Variants in CDK17 observed in about 807,000 individuals in gnomAD.
CDK17 encodes cyclin-dependent kinase 17.
CDK17 carries 24 observed loss-of-function variants against 77.6 expected under a neutral mutation model. The ratio of observed to expected loss-of-function variants is 0.31; its 90% confidence interval spans 0.22 to 0.44. The LOEUF (loss-of-function observed/expected upper bound fraction) is 0.44, where lower values mean the gene tolerates loss of function less well. CDK17 is among the 20% of genes least tolerant of loss of function. The probability of loss-of-function intolerance (pLI) is 1.00; values close to 1 mark genes in which losing one functional copy is unlikely to be tolerated. For missense variants in CDK17, 429 were observed against 622.5 expected (o/e 0.69, Z 3.31); for synonymous variants, 203 against 210.4 (o/e 0.96, Z 0.30).
chr12:96,298,769 C>T (rs1952451807), intron 7 of CDK17, 100 bp downstream of exon 7: 2 of 604,014 alleles, frequency 3.3e-6, no homozygotes, highest in Admixed American at 3.4e-5. Flanking sequence ...TTACATCTTC[C>T]AGTCATTTAT....
intron 1 of CDK17, among the ~76,000 whole-genome samples, chr12:96,367,678 C>A (rs1953610110): frequency 6.6e-6 from 1 of 151,924 alleles, no homozygotes; most frequent in Non-Finnish European, 1.5e-5. Context: ...TGAGTCACAG[C>A]AGAAGCAAAG....
At chr12:96,339,291 T>C (rs1224502735) in intron 1 of CDK17, among the ~76,000 whole-genome samples, 1 of 152,094 alleles carries the variant, frequency 6.6e-6, no homozygotes, top group Non-Finnish European at 1.5e-5. Flanking sequence ...TAATAAGCAC[T>C]TGAAAAGTAC....
At chr12:96,315,599 T>C (rs756864548) in intron 3 of CDK17, among the ~76,000 whole-genome samples, 19 of 152,226 alleles carry the variant, frequency 1.2e-4, no homozygotes, top group Non-Finnish European at 2.6e-4. Flanking sequence ...TGGCTTCCAT[T>C]TCTAGTGAGA....
intron 16 of CDK17, 57 bp from the exon 17 acceptor site, chr12:96,280,336 A>G: frequency 6.5e-7 from 1 of 1,539,896 alleles, no homozygotes; most frequent in Non-Finnish European, 8.8e-7. Context: ...TCCCACATAC[A>G]GTTATTTGGT....
intron 13 of CDK17, among the ~76,000 whole-genome samples, chr12:96,284,012 A>G (rs960631805): frequency 2.0e-5 from 3 of 152,234 alleles, no homozygotes; most frequent in Non-Finnish European, 4.4e-5. Flanking sequence ...TCATTTTCCT[A>G]TTATATAGGT....
chr12:96,391,164 A>G (rs1356384278), intron 1 of CDK17, among the ~76,000 whole-genome samples: 1 of 152,176 alleles, frequency 6.6e-6, no homozygotes, highest in Non-Finnish European at 1.5e-5. Flanking sequence ...CATTAAATGC[A>G]CTGTTTGATC....
chr12:96,295,444 A>C lies in CDK17; in HGVS notation c.874-322T>G, dbSNP rs898573268. 217 of 163,426 alleles carry C rather than the reference A, an allele frequency of 1.3e-3. 4 individuals carry two copies. Among genetic ancestry groups the C allele is most frequent in the Admixed American group, 0.013 (214 of 16,140 alleles). 10.1% of individuals were successfully genotyped at this position (163,426 alleles called of 1,614,324 possible). A position where few individuals can be genotyped will look rare whatever the true frequency, so the allele number is the denominator to read the frequency against. ...GACTTAAAAAAAAAAACATATCCTC[A>C]TAAACTTACAGGCCTACTAAGGTTT... On this transcript the variant is annotated intron_variant, in intron 9 of 16. Coordinates refer to ENST00000261211, the MANE Select transcript of CDK17 (RefSeq NM_002595.5).
intron 1 of CDK17, among the ~76,000 whole-genome samples, chr12:96,395,518 A>G (rs932882746): frequency 6.6e-6 from 1 of 152,232 alleles, no homozygotes; most frequent in East Asian, 1.9e-4. Flanking sequence ...GAATACCTAT[A>G]TGAAGCGCTT....
intron 13 of CDK17, chr12:96,284,533 G>C (rs1283419771): frequency 6.7e-6 from 1 of 149,096 alleles, no homozygotes; most frequent in African/African-American, 2.5e-5. Flanking sequence ...GATGAAATTA[G>C]TATAACTAGG....
At chr12:96,398,603 C>A (rs1386881225) in intron 1 of CDK17, among the ~76,000 whole-genome samples, 1 of 152,196 alleles carries the variant, frequency 6.6e-6, no homozygotes, top group Non-Finnish European at 1.5e-5. Flanking sequence ...TCTTCTCACA[C>A]GAACGCCTTT....
Position 96,337,196 on chromosome 12 carries a change from T to C in CDK17, c.-29-2331A>G, listed in dbSNP as rs147779298. ...AGGCCTCTGATTTGTCCTCACTCTA[T>C]GGTGTGGCTCTTCACTAGGGCCAGA... On this transcript the variant is annotated intron_variant, in intron 1 of 16. Transcript: ENST00000261211. 5.1e-3 allele frequency among the ~76,000 whole-genome samples: 778 copies of C among 152,268 alleles called. 5 individuals carry two copies. Among genetic ancestry groups the C allele is most frequent in the Middle Eastern group, 0.01 (3 of 294 alleles).
intron 2 of CDK17, among the ~76,000 whole-genome samples, chr12:96,331,505 A>G (rs2137137880): frequency 6.6e-6 from 1 of 152,228 alleles, no homozygotes; most frequent in South Asian, 2.1e-4. Context: ...TTCAGGATTC[A>G]TCATTCCTTG....
intron 1 of CDK17, among the ~76,000 whole-genome samples, chr12:96,380,559 G>T (rs575541814): frequency 1.3e-5 from 2 of 152,224 alleles, no homozygotes; most frequent in South Asian, 4.1e-4. Flanking sequence ...AAAGTGCTGG[G>T]ATTACAGGCG....
intron 5 of CDK17, among the ~76,000 whole-genome samples, chr12:96,309,219 C>T (rs767108838): frequency 6.6e-6 from 1 of 152,188 alleles, no homozygotes; most frequent in Non-Finnish European, 1.5e-5. Flanking sequence ...GACATCTACA[C>T]CCAAACCTCT....
chr12:96,353,610 G>GA (rs1031282386), intron 1 of CDK17, among the ~76,000 whole-genome samples: 2 of 150,914 alleles, frequency 1.3e-5, no homozygotes, highest in East Asian at 3.9e-4. Context: ...GGTGGCGGGG[G>GA]GGGGCGCGGG....
intron 16 of CDK17, 93 bp downstream of exon 16, chr12:96,280,715 A>T: frequency 1.3e-6 from 2 of 1,548,538 alleles, no homozygotes; most frequent in Non-Finnish European, 1.7e-6. Context: ...TGGTTTTTAC[A>T]TCAATAATTT....
intron 5 of CDK17, among the ~76,000 whole-genome samples, chr12:96,310,373 C>T (rs930491022): frequency 6.6e-5 from 10 of 151,652 alleles, no homozygotes; most frequent in Admixed American, 2.0e-4. Context: ...AAAGCTCAGA[C>T]GTTTTAATAA....
At chr12:96,334,689 G>A (rs1459299321) in intron 2 of CDK17, 30 bp downstream of exon 2, 1 of 1,118,672 alleles carries the variant, frequency 8.9e-7, no homozygotes, top group Non-Finnish European at 1.4e-6. Context: ...TTAAAAGGAG[G>A]AAGCATCTCC....
chr12:96,370,281 T>C (rs1953670407), intron 1 of CDK17, among the ~76,000 whole-genome samples: 1 of 152,236 alleles, frequency 6.6e-6, no homozygotes, highest in Admixed American at 6.5e-5. Context: ...GAGTTGGTAT[T>C]ACTCTACCCA....
Sources: allele counts gnomAD v4.1 joint callset (sites outside exome capture counted in the v4.1 genomes callset), GRCh38; gene constraint gnomAD v4.1.1; transcripts MANE v1.5; gene names NCBI Gene and HGNC (gene_info 2026-07-23, HGNC 2026-07-21).